MYBL1: variants seen among roughly 807,000 people sequenced by gnomAD.
MYBL1 encodes myb-related protein A.
Under a neutral mutation model 96.3 loss-of-function variants are expected in MYBL1, and 17 were observed. That is an observed-to-expected ratio of 0.18 (90% CI 0.12 to 0.26). The LOEUF (loss-of-function observed/expected upper bound fraction) is 0.26. Ranked by LOEUF, MYBL1 falls within the 10% of genes least tolerant of loss-of-function variation. MYBL1 has a pLI of 1.00. For synonymous variants in MYBL1, 282 were observed against 292.7 expected (o/e 0.96, Z 0.37); for missense variants, 701 against 882.9 (o/e 0.79, Z 2.61).
chr8:66,574,435 G>T (rs1808855672), intron 10 of MYBL1, among the ~76,000 whole-genome samples: 1 of 152,136 alleles, frequency 6.6e-6, no homozygotes, highest in Non-Finnish European at 1.5e-5. Context: ...AGCAGGGCTG[G>T]GAGTGAACAG....
intron 12 of MYBL1, among the ~76,000 whole-genome samples, chr8:66,567,338 A>G (rs1473139796): frequency 1.3e-5 from 2 of 152,202 alleles, no homozygotes; most frequent in Non-Finnish European, 2.9e-5. Context: ...AATATAGAAC[A>G]TATTGGGAAT....
intron 2 of MYBL1, among the ~76,000 whole-genome samples, chr8:66,602,117 C>T (rs1220310841): frequency 4.0e-5 from 6 of 151,824 alleles, no homozygotes; most frequent in Non-Finnish European, 1.5e-5. Context: ...GGTGCAATCT[C>T]GGCTCACTGC....
At chr8:66,602,729 ATATATTTTTTTTTTTTTTTTT>A (rs1810143900) in intron 1 of MYBL1, among the ~76,000 whole-genome samples, 1 of 48,506 alleles carries the variant, frequency 2.1e-5, no homozygotes. Flanking sequence ...ATATATATAT[ATATATTTTTTTTTTTTTTTTT>A]TTTTTTTTTT....
chr8:66,564,718 A>G lies in MYBL1; in HGVS notation c.2238T>C (p.Thr746=), dbSNP rs1295186915. Reference sequence around the variant, plus strand: ...ACAATTACAGTATGAGAGCTCTTGAAGTACTACTGGTAGCTGTGTAAGTAC... The same window carrying G: ...ACAATTACAGTATGAGAGCTCTTGAGGTACTACTGGTAGCTGTGTAAGTAC... ...YLSTYTATSS[T]SRALIL Residue 746 remains threonine, a synonymous_variant, in exon 16 of 16, where the codon ACT becomes ACC. Transcript: ENST00000522677. The G allele has an allele frequency of 6.3e-7, 1 of 1,580,758 alleles. No homozygotes were observed. The highest frequency in any genetic ancestry group is 1.8e-5 in the Admixed American group (1 of 56,452).
intron 1 of MYBL1, among the ~76,000 whole-genome samples, chr8:66,606,193 G>A (rs958459051): frequency 6.6e-6 from 1 of 152,140 alleles, no homozygotes; most frequent in African/African-American, 2.4e-5. Context: ...CCTTGAACAT[G>A]TTAACCTCTC....
intron 9 of MYBL1, among the ~76,000 whole-genome samples, chr8:66,579,211 CCT>C (rs1312598923): frequency 6.6e-6 from 1 of 150,766 alleles, no homozygotes; most frequent in Non-Finnish European, 1.5e-5. Context: ...GCACATGTAC[CCT>C]AAAACTTAAA....
chr8:66,602,263 C>G (rs944667571), intron 2 of MYBL1, among the ~76,000 whole-genome samples, 155 bp downstream of exon 2: 14 of 152,066 alleles, frequency 9.2e-5, no homozygotes, highest in Non-Finnish European at 1.2e-4. Flanking sequence ...GTTGGCCAGG[C>G]TGGTCTTGAA....
In MYBL1 at chr8:66,580,159, C is replaced by A. The variant is rs1410479648; in HGVS notation, c.1075G>T (p.Ala359Ser). The A allele has an allele frequency of 5.0e-6, 8 of 1,613,532 alleles. No individual in the cohort carries two copies. Among genetic ancestry groups the A allele is most frequent in the Admixed American group, 1.7e-5 (1 of 59,964 alleles). ...LSSLQTIPEF[A>S]ETLELIESDP... ...GATTCAATAAGTTCTAGAGTCTCTG[C>A]AAATTCTGGGATGGTCTGCAAAGAG... is the stretch of plus-strand genomic sequence containing the variant. The change falls in exon 9 of 16, where the codon GCA becomes TCA. Residue 359 changes from alanine (A) to serine (S), a missense_variant. By Grantham distance (99) the Ala-to-Ser change is moderately conservative (BLOSUM62 1). Transcript: ENST00000522677.
At chr8:66,594,700 T>C (rs532511793) in intron 6 of MYBL1, among the ~76,000 whole-genome samples, 1 of 152,276 alleles carries the variant, frequency 6.6e-6, no homozygotes, top group South Asian at 2.1e-4. Flanking sequence ...CAGCAGATAA[T>C]TATACTGTCT....
At chr8:66,565,703 A>T (rs1472618381) in intron 15 of MYBL1, among the ~76,000 whole-genome samples, 3 of 152,138 alleles carry the variant, frequency 2.0e-5, no homozygotes, top group Non-Finnish European at 4.4e-5. Flanking sequence ...CAACAAAATC[A>T]TGCTGAAACT....
At chr8:66,603,601 C>T (rs939177410) in intron 1 of MYBL1, among the ~76,000 whole-genome samples, 15 of 152,060 alleles carry the variant, frequency 9.9e-5, no homozygotes, top group Non-Finnish European at 2.1e-4. Flanking sequence ...GGCAATCCTC[C>T]CACCTCAGTC....
At chr8:66,568,051 A>C (rs1304437234) in intron 12 of MYBL1, among the ~76,000 whole-genome samples, 1 of 151,726 alleles carries the variant, frequency 6.6e-6, no homozygotes, top group Non-Finnish European at 1.5e-5. Context: ...CGTCTCAAAA[A>C]AAAAAAAAAA....
chr8:66,584,871 G>A (rs1809350504), intron 8 of MYBL1, among the ~76,000 whole-genome samples: 1 of 151,568 alleles, frequency 6.6e-6, no homozygotes, highest in Admixed American at 6.6e-5. Flanking sequence ...ACAAAACACT[G>A]ATAAAAAAAA....
At chr8:66,572,345 G>A (rs1424895598) in intron 12 of MYBL1, 137 bp downstream of exon 12, 3 of 480,256 alleles carry the variant, frequency 6.2e-6, no homozygotes, top group African/African-American at 5.9e-5. Context: ...AAAAAACCTT[G>A]AAAATCAAAA....
At position 66,571,072 on chromosome 8, in the gene MYBL1, A is replaced by G. The variant is rs112641520; in HGVS notation, c.1728+1410T>C. The stretch of plus-strand genomic sequence containing the variant: ...TCAAGTAAACTAGAATTTGTTAATG[A>G]ATCTAACCAAAAAGTGACTAAAAAT... On this transcript the variant is annotated intron_variant, in intron 12 of 15. Transcript: ENST00000522677. Among the ~76,000 whole-genome samples the G allele has an allele frequency of 8.0e-3, 1,223 of 152,322 alleles. 14 individuals are homozygous for G. Among genetic ancestry groups the G allele is most frequent in the African/African-American group, 0.027 (1,115 of 41,568 alleles).
chr8:66,581,405 G>C (rs1020270438), intron 8 of MYBL1, among the ~76,000 whole-genome samples: 1 of 152,086 alleles, frequency 6.6e-6, no homozygotes, highest in East Asian at 1.9e-4. Context: ...GAACAGGTAC[G>C]GTGGCTCACG....
chr8:66,579,625 C>A (rs954861937), intron 9 of MYBL1, among the ~76,000 whole-genome samples: 3 of 151,534 alleles, frequency 2.0e-5, no homozygotes, highest in African/African-American at 7.3e-5. Context: ...CCACTACACT[C>A]CAGCCTGGGC....
chr8:66,590,784 A>G (rs1809607411), intron 8 of MYBL1, among the ~76,000 whole-genome samples: 1 of 152,116 alleles, frequency 6.6e-6, no homozygotes, highest in African/African-American at 2.4e-5. Context: ...GAAGGGAGGG[A>G]CAGGGAAATA....
intron 1 of MYBL1, among the ~76,000 whole-genome samples, chr8:66,603,846 T>C (rs903578575): frequency 2.6e-5 from 4 of 152,064 alleles, no homozygotes; most frequent in African/African-American, 9.7e-5. Context: ...ATTATAGATA[T>C]GTCCATTCTC....
Sources: allele counts gnomAD v4.1 joint callset (sites outside exome capture counted in the v4.1 genomes callset), GRCh38; gene constraint gnomAD v4.1.1; transcripts MANE v1.5; gene names NCBI Gene and HGNC (gene_info 2026-07-23, HGNC 2026-07-21).